The following BICDL1 variants were observed in gnomAD, a reference collection of about 807,000 sequenced individuals.
BICDL1 encodes BICD family like cargo adaptor 1.
A neutral mutation model predicts 76.8 loss-of-function variants in BICDL1; 20 were observed. The ratio of observed to expected loss-of-function variants is 0.26; its 90% CI spans 0.18 to 0.38. The LOEUF (loss-of-function observed/expected upper bound fraction) is 0.38. BICDL1 is among the 10% of genes least tolerant of loss of function. The pLI is 1.00. For missense variants in BICDL1, 700 were observed against 798.6 expected (o/e 0.88, Z 1.49); for synonymous variants, 383 against 337.1 (o/e 1.14, Z -1.49).
At position 120,071,095 on chromosome 12, in the gene BICDL1, A is replaced by G. The variant is rs1025279697; in HGVS notation, c.910-527A>G. On this transcript the variant is annotated intron_variant, in intron 4 of 9. Transcript: ENST00000548673. This position sits in a 1 kb window ranked among gnomAD's most constrained non-coding sequence, Gnocchi z 4.8. ...TCCTTTATCTGTTTTTTCCCTTGCAATGTTTTTGTTAAGGAAATGGAGTTG... is the reference window on the plus strand; with the variant it reads ...TCCTTTATCTGTTTTTTCCCTTGCAGTGTTTTTGTTAAGGAAATGGAGTTG... Among the ~76,000 whole-genome samples the G allele has an allele frequency of 6.6e-6, 1 of 150,664 alleles. No homozygotes were observed. Among genetic ancestry groups the G allele is most frequent in the Non-Finnish European group, 1.5e-5 (1 of 67,758 alleles).
At chr12:120,016,412 T>TGCA (rs1378536800) in intron 2 of BICDL1, among the ~76,000 whole-genome samples, 2 of 151,704 alleles carry the variant, frequency 1.3e-5, no homozygotes, top group Non-Finnish European at 2.9e-5. Flanking sequence ...GGAGTGGAAT[T>TGCA]GCTATATGGT....
chr12:120,002,581 A>AT (rs759320996), intron 2 of BICDL1, among the ~76,000 whole-genome samples: 1 of 152,184 alleles, frequency 6.6e-6, no homozygotes, highest in Non-Finnish European at 1.5e-5. Context: ...CACCTCTCTC[A>AT]TTACCCTCCT....
chr12:120,012,102 T>G (rs1409742319), intron 2 of BICDL1, among the ~76,000 whole-genome samples: 1 of 152,204 alleles, frequency 6.6e-6, no homozygotes, highest in Non-Finnish European at 1.5e-5. Flanking sequence ...ATGCAGAACA[T>G]ATTCATCCTT....
intron 2 of BICDL1, among the ~76,000 whole-genome samples, chr12:120,015,405 T>A (rs1038978672): frequency 5.9e-5 from 9 of 152,190 alleles, no homozygotes; most frequent in African/African-American, 1.9e-4. Context: ...ACCGTTGGAA[T>A]TTCCCCCAGT....
intron 2 of BICDL1, among the ~76,000 whole-genome samples, chr12:120,024,037 T>C (rs1239748285): frequency 6.6e-6 from 1 of 152,102 alleles, no homozygotes; most frequent in Non-Finnish European, 1.5e-5. Context: ...CCCAGCACTT[T>C]GGGAGGCCAA....
chr12:120,088,806 A>G (rs566716803), intron 8 of BICDL1, among the ~76,000 whole-genome samples: 1 of 152,250 alleles, frequency 6.6e-6, no homozygotes, highest in Non-Finnish European at 1.5e-5. Flanking sequence ...AGCTGGGACT[A>G]CAGGCACCTG....
intron 8 of BICDL1, among the ~76,000 whole-genome samples, chr12:120,084,105 C>T (rs533133331): frequency 1.6e-4 from 24 of 152,080 alleles, no homozygotes; most frequent in African/African-American, 3.6e-4. Flanking sequence ...CAGGTTCAAG[C>T]GATTCTCATG....
At chr12:120,067,428 C>T (rs1254800118) in intron 4 of BICDL1, among the ~76,000 whole-genome samples, 1 of 152,254 alleles carries the variant, frequency 6.6e-6, no homozygotes, top group Admixed American at 6.5e-5. Flanking sequence ...GTGTACTGTA[C>T]AAACACAAAG....
chr12:120,010,648 T>G (rs1951934557), intron 2 of BICDL1, among the ~76,000 whole-genome samples: 1 of 152,246 alleles, frequency 6.6e-6, no homozygotes, highest in Non-Finnish European at 1.5e-5. Flanking sequence ...GGTGGATTCC[T>G]GTCCCCTTCC....
intron 2 of BICDL1, among the ~76,000 whole-genome samples, chr12:120,013,359 C>A (rs1210942419): frequency 1.3e-5 from 2 of 150,984 alleles, no homozygotes; most frequent in African/African-American, 2.4e-5. Flanking sequence ...ATTTTATTGT[C>A]ATTTAATGTC....
chr12:120,092,922 T>C (rs1875106295), intron 9 of BICDL1, 78 bp from the exon 10 acceptor site: 1 of 1,484,738 alleles, frequency 6.7e-7, no homozygotes, highest in African/African-American at 1.4e-5. Context: ...CTGTCTGATG[T>C]TCCCACCTCC....
chr12:120,091,169 C>T (rs1282053727), intron 9 of BICDL1: 6 of 1,204,000 alleles, frequency 5.0e-6, no homozygotes, highest in Non-Finnish European at 6.3e-6. Context: ...CCAGCTCCCT[C>T]CTCCATCACA....
intron 1 of BICDL1, among the ~76,000 whole-genome samples, chr12:119,994,540 A>G (rs1212884444): frequency 6.6e-6 from 1 of 151,848 alleles, no homozygotes. Context: ...CCCAGGCTGG[A>G]GTGCAGTGGC....
chr12:120,043,138 G>A (rs950447515), intron 2 of BICDL1, among the ~76,000 whole-genome samples: 6 of 152,280 alleles, frequency 3.9e-5, no homozygotes, highest in Admixed American at 2.0e-4. Flanking sequence ...ATCCTGTAGC[G>A]TTGTTAAGAT....
chr12:120,087,554 G>A (rs1374783955), intron 8 of BICDL1, among the ~76,000 whole-genome samples: 1 of 152,212 alleles, frequency 6.6e-6, no homozygotes, highest in African/African-American at 2.4e-5. Context: ...AGCTGCCCTT[G>A]AGCCCTGCAC....
At chr12:120,048,822 CA>C (rs1952799379) in intron 2 of BICDL1, among the ~76,000 whole-genome samples, 1 of 152,082 alleles carries the variant, frequency 6.6e-6, no homozygotes, top group Non-Finnish European at 1.5e-5. Context: ...CTTTTGTTGA[CA>C]TTTTTTTTTA....
chr12:120,044,379 T>C (rs909260032), intron 2 of BICDL1, among the ~76,000 whole-genome samples: 2 of 152,172 alleles, frequency 1.3e-5, no homozygotes, highest in Admixed American at 1.3e-4. Context: ...ACGTGACTGC[T>C]CTTTCCTGAG....
intron 9 of BICDL1, chr12:120,092,457 T>A (rs920803033): frequency 2.1e-4 from 204 of 985,354 alleles, no homozygotes; most frequent in Non-Finnish European, 2.2e-4. Context: ...CAGGGCATCC[T>A]TGCCACGTGA....
chr12:120,017,240 T>C (rs549845047), intron 2 of BICDL1, among the ~76,000 whole-genome samples: 1 of 152,256 alleles, frequency 6.6e-6, no homozygotes, highest in Non-Finnish European at 1.5e-5. Flanking sequence ...AACACAGGGA[T>C]TGAGTAATAC....
Sources: gnomAD v4.1 joint callset for allele counts (sites outside exome capture counted in the v4.1 genomes callset) on GRCh38, gnomAD v4.1.1 for gene constraint, Gnocchi (gnomAD v3.1) non-coding constraint, MANE v1.5 for transcripts, NCBI Gene and HGNC (gene_info 2026-07-23, HGNC 2026-07-21) for gene names.